TMEM14A: variants seen among roughly 807,000 people sequenced by gnomAD.
TMEM14A encodes transmembrane protein 14A.
In TMEM14A, 8 loss-of-function variants were observed where a neutral mutation model predicts 11.6. The observed-to-expected ratio is 0.69, with a 90% CI of 0.40 to 1.24. The LOEUF (loss-of-function observed/expected upper bound fraction) is 1.24, where lower values mean the gene tolerates loss of function less well. Among genes scored for constraint, TMEM14A ranks in the 50% most tolerant of loss-of-function variants. TMEM14A has a pLI of 0.01. For missense variants in TMEM14A, 108 were observed against 121.9 expected (o/e 0.89, Z 0.54); for synonymous variants, 34 against 45.5 (o/e 0.75, Z 1.02).
chr6:52,684,746 T>C (rs1424409827), intron 4 of TMEM14A, among the ~76,000 whole-genome samples: 1 of 152,236 alleles, frequency 6.6e-6, no homozygotes, highest in African/African-American at 2.4e-5. Context: ...CTTTATATGT[T>C]GAAAGCCATA....
chr6:52,684,299 G>A (rs918275244), intron 4 of TMEM14A, 134 bp downstream of exon 4: 19 of 723,512 alleles, frequency 2.6e-5, no homozygotes, highest in Non-Finnish European at 4.0e-5. Context: ...AAAACCTTAA[G>A]ATAGCATGGA....
At chr6:52,680,065 T>G (rs754945902) in intron 2 of TMEM14A, among the ~76,000 whole-genome samples, 10 of 151,856 alleles carry the variant, frequency 6.6e-5, no homozygotes, top group Non-Finnish European at 1.3e-4. Context: ...GTGCATTAAA[T>G]CAGTATTTAT....
chr6:52,672,504 A>G (rs1769180701), intron 1 of TMEM14A, among the ~76,000 whole-genome samples: 2 of 152,040 alleles, frequency 1.3e-5, no homozygotes, highest in South Asian at 2.1e-4. Flanking sequence ...GACTGAATAC[A>G]TTCTAAACAG....
intron 1 of TMEM14A, among the ~76,000 whole-genome samples, chr6:52,671,501 G>T (rs955784470): frequency 6.6e-6 from 1 of 151,976 alleles, no homozygotes; most frequent in African/African-American, 2.4e-5. Flanking sequence ...TACCTTCCTG[G>T]ATCTGGGGTG....
At chr6:52,675,163 G>T (rs1310345630) in intron 1 of TMEM14A, among the ~76,000 whole-genome samples, 1 of 152,110 alleles carries the variant, frequency 6.6e-6, no homozygotes, top group African/African-American at 2.4e-5. Flanking sequence ...GATTACAGGC[G>T]TGAGCTACCT....
At chr6:52,681,702 T>C in intron 2 of TMEM14A, 111 bp from the exon 3 acceptor site, 1 of 867,760 alleles carries the variant, frequency 1.2e-6, no homozygotes, top group South Asian at 1.6e-5. Flanking sequence ...CCAGTTACTG[T>C]GCCCAAGTAG....
At chr6:52,674,526 G>T (rs1454299045) in intron 1 of TMEM14A, among the ~76,000 whole-genome samples, 1 of 152,144 alleles carries the variant, frequency 6.6e-6, no homozygotes. Flanking sequence ...ACCATAGGGT[G>T]TGGTCATGAT....
At chr6:52,684,442 TTCC>T (rs992397885) in intron 4 of TMEM14A, among the ~76,000 whole-genome samples, 1 of 152,206 alleles carries the variant, frequency 6.6e-6, no homozygotes, top group African/African-American at 2.4e-5. Context: ...AGCCTCATTT[TTCC>T]TCAAGATTCA....
rs1769496119 is a variant in TMEM14A, at chr6:52,686,464, C to A, written c.*415C>A. On this transcript the variant is annotated 3_prime_UTR_variant, in exon 5 of 5. Coordinates refer to ENST00000211314, the MANE Select transcript of TMEM14A (RefSeq NM_014051.4). The stretch of plus-strand genomic sequence containing the variant: ...ATATTTGAAATTATTAGAAATTATG[C>A]TTTTTCCATTTTAATTGTATTGCTG... The A allele has an allele frequency of 2.6e-6, 1 of 385,552 alleles. No individual in the cohort carries two copies. Among genetic ancestry groups the A allele is most frequent in the Non-Finnish European group, 4.6e-6 (1 of 217,106 alleles). The allele number at this position is 385,552 out of a possible 1,614,324, so 23.9% of individuals were successfully genotyped here. A position where few individuals can be genotyped will look rare whatever the true frequency, so the allele number is the denominator to read the frequency against.
chr6:52,673,926 A>G (rs1361183923), intron 1 of TMEM14A, among the ~76,000 whole-genome samples: 1 of 152,216 alleles, frequency 6.6e-6, no homozygotes, highest in Non-Finnish European at 1.5e-5. Context: ...TCAAGCTTAA[A>G]ATAGGTGTAA....
intron 2 of TMEM14A, among the ~76,000 whole-genome samples, chr6:52,680,709 A>ATATGTG (rs1581745032): frequency 4.9e-5 from 6 of 121,640 alleles, no homozygotes; most frequent in Non-Finnish European, 8.9e-5. Context: ...ATATATACAC[A>ATATGTG]TATATATATG....
chr6:52,674,439 T>C (rs764501113), intron 1 of TMEM14A, among the ~76,000 whole-genome samples: 2 of 152,190 alleles, frequency 1.3e-5, no homozygotes, highest in Non-Finnish European at 2.9e-5. Context: ...TTTTGCTGTA[T>C]AACCTTCAGG....
chr6:52,680,669 G>GTATATATATA (rs749318698), intron 2 of TMEM14A, among the ~76,000 whole-genome samples: 1 of 35,968 alleles, frequency 2.8e-5, no homozygotes. Context: ...ATATATATGT[G>GTATATATATA]TATATATATA....
intron 2 of TMEM14A, among the ~76,000 whole-genome samples, chr6:52,681,055 C>G (rs1316846844): frequency 6.6e-6 from 1 of 151,978 alleles, no homozygotes; most frequent in African/African-American, 2.4e-5. Context: ...TTTAACCTAA[C>G]AGATTCTAAA....
chr6:52,681,880 C>T lies in TMEM14A; in HGVS notation c.138C>T (p.Val46=), dbSNP rs1769398051. ...TGGCCGGCTATGGAGCTTACCGTGT[C>T]TCCAATGACAAACGAGATGTAAAAG... ...GCLAGYGAYR[V]SNDKRDVKVS... The change falls in exon 3 of 5, where the codon GTC becomes GTT. Residue 46 remains valine (V), a synonymous_variant. Transcript: ENST00000211314. 1 of 1,614,006 alleles carries T rather than the reference C, an allele frequency of 6.2e-7. No individual in the cohort carries two copies. The highest frequency in any genetic ancestry group is 1.3e-5 in the African/African-American group (1 of 74,986).
chr6:52,680,692 T>TGTGTATATATATATAC (rs1491306079), intron 2 of TMEM14A, among the ~76,000 whole-genome samples: 1 of 50,276 alleles, frequency 2.0e-5, no homozygotes, highest in African/African-American at 6.0e-5. Context: ...TACATATATG[T>TGTGTATATATATATAC]ATATATATAT....
intron 2 of TMEM14A, among the ~76,000 whole-genome samples, chr6:52,680,665 A>ATATATATATATG (rs1352415278): frequency 2.3e-4 from 11 of 47,204 alleles, no homozygotes; most frequent in Admixed American, 8.1e-4. Flanking sequence ...GTGTATATAT[A>ATATATATATATG]TGTGTATATA....
In TMEM14A at chr6:52,681,806, C is replaced by T. The variant is rs1296045837; in HGVS notation, c.71-7C>T. 1 of 1,612,758 alleles carries T rather than the reference C, an allele frequency of 6.2e-7. No homozygotes were observed. Among genetic ancestry groups the T allele is most frequent in the Non-Finnish European group, 8.5e-7 (1 of 1,179,378 alleles). On this transcript the variant is annotated splice_region_variant and splice_polypyrimidine_tract_variant and intron_variant, in intron 2 of 4. Coordinates refer to ENST00000211314, the MANE Select transcript of TMEM14A (RefSeq NM_014051.4). The stretch of plus-strand genomic sequence containing the variant: ...CTTTGTGATCTCATATTTTTTTCCC[C>T]TTCCAGGTGGTGTTCCGTCTTTGAT...
At chr6:52,674,746 C>G (rs1255961299) in intron 1 of TMEM14A, among the ~76,000 whole-genome samples, 1 of 152,158 alleles carries the variant, frequency 6.6e-6, no homozygotes, top group Non-Finnish European at 1.5e-5. Context: ...TGTTTTAATT[C>G]TCCTTCCTGC....
Sources: allele counts gnomAD v4.1 joint callset (sites outside exome capture counted in the v4.1 genomes callset), GRCh38; gene constraint gnomAD v4.1.1; transcripts MANE v1.5; gene names NCBI Gene and HGNC (gene_info 2026-07-23, HGNC 2026-07-21).